Variants in COLGALT2 observed in about 807,000 individuals in gnomAD.
COLGALT2 encodes collagen beta(1-O)galactosyltransferase 2, also known as procollagen galactosyltransferase 2.
COLGALT2 carries 49 observed loss-of-function variants against 73.4 expected under a neutral mutation model. The ratio of observed to expected loss-of-function variants is 0.67; its 90% CI spans 0.53 to 0.85. The LOEUF is 0.85. Ranked by LOEUF, COLGALT2 falls within the 40% of genes least tolerant of loss-of-function variation. The pLI is 0.00. For synonymous variants in COLGALT2, 295 were observed against 307.6 expected (o/e 0.96, Z 0.43); for missense variants, 722 against 790.2 (o/e 0.91, Z 1.03).
chr1:183,963,527 G>C (rs1315862829), intron 6 of COLGALT2, among the ~76,000 whole-genome samples: 1 of 152,068 alleles, frequency 6.6e-6, no homozygotes, highest in Non-Finnish European at 1.5e-5. Context: ...AAAAACCCTG[G>C]AAGTTTTCAT....
chr1:183,962,459 T>TA (rs1558316043), intron 6 of COLGALT2, among the ~76,000 whole-genome samples: 2 of 152,096 alleles, frequency 1.3e-5, no homozygotes, highest in Admixed American at 1.3e-4. Context: ...ATGCCAGCCA[T>TA]GGTCTCTCTT....
intron 10 of COLGALT2, among the ~76,000 whole-genome samples, chr1:183,942,900 AC>A (rs1314463552): frequency 6.6e-6 from 1 of 152,204 alleles, no homozygotes; most frequent in Non-Finnish European, 1.5e-5. Context: ...CCAGCTCTAA[AC>A]CTTAGATTCT....
At chr1:183,981,225 A>G (rs13373873) in intron 1 of COLGALT2, among the ~76,000 whole-genome samples, 6,538 of 152,226 alleles carry the variant, frequency 0.043, 502 homozygotes, top group African/African-American at 0.15. Context: ...AAAATAAATA[A>G]AGTTTCATCA....
chr1:183,977,812 A>AAG (rs59481089), intron 2 of COLGALT2, among the ~76,000 whole-genome samples: 632 of 52,430 alleles, frequency 0.012, 10 homozygotes, highest in African/African-American at 0.011. Flanking sequence ...GAAAGAGAGA[A>AAG]AGAGAGAGAG....
At chr1:183,948,457 T>G (rs1015231544) in intron 8 of COLGALT2, among the ~76,000 whole-genome samples, 1 of 152,146 alleles carries the variant, frequency 6.6e-6, no homozygotes, top group African/African-American at 2.4e-5. Context: ...CGTACCATAT[T>G]AACAGGCAAA....
intron 1 of COLGALT2, among the ~76,000 whole-genome samples, chr1:183,990,753 G>T (rs1431552696): frequency 6.6e-6 from 1 of 152,228 alleles, no homozygotes; most frequent in Non-Finnish European, 1.5e-5. Flanking sequence ...GGAACTCCAC[G>T]TAAATTTGTT....
rs532311366 is a variant in COLGALT2, at chr1:183,942,223, C to T, written c.1398-1436G>A. Among the ~76,000 whole-genome samples the T allele has an allele frequency of 2.0e-3, 302 of 152,240 alleles. 2 individuals are homozygous for T. The highest frequency in any genetic ancestry group is 6.9e-3 in the African/African-American group (285 of 41,546). On this transcript the variant is annotated intron_variant, in intron 10 of 11. Transcript: ENST00000361927. The stretch of plus-strand genomic sequence containing the variant: ...TCGGCCTCCCAAAGTGCTGGGATTA[C>T]AGGCGTGAGCCACTGCGCCCAGCCC...
At chr1:183,951,693 T>A (rs556107181) in intron 7 of COLGALT2, among the ~76,000 whole-genome samples, 21 of 151,912 alleles carry the variant, frequency 1.4e-4, no homozygotes, top group Admixed American at 1.2e-3. Flanking sequence ...TGGAAAAAAA[T>A]GGAAGGATAT....
At chr1:184,027,189 C>A (rs1289200370) in intron 1 of COLGALT2, among the ~76,000 whole-genome samples, 1 of 152,118 alleles carries the variant, frequency 6.6e-6, no homozygotes, top group Non-Finnish European at 1.5e-5. Context: ...AATAAGAAAA[C>A]CCCTTGGTCT....
chr1:184,004,071 G>A (rs562956041), intron 1 of COLGALT2, among the ~76,000 whole-genome samples: 11 of 152,096 alleles, frequency 7.2e-5, no homozygotes, highest in African/African-American at 1.9e-4. Flanking sequence ...GATCTAAAAC[G>A]GCATTATTTT....
At chr1:183,993,701 G>C (rs987154931) in intron 1 of COLGALT2, among the ~76,000 whole-genome samples, 1 of 152,186 alleles carries the variant, frequency 6.6e-6, no homozygotes, top group Non-Finnish European at 1.5e-5. Context: ...CCATGTGAAG[G>C]AAGCCAACAA....
intron 1 of COLGALT2, among the ~76,000 whole-genome samples, chr1:183,997,794 G>T (rs1671810265): frequency 6.6e-6 from 1 of 152,146 alleles, no homozygotes; most frequent in African/African-American, 2.4e-5. Context: ...TTTTCTGTAG[G>T]CTTAACACTG....
Position 183,944,335 on chromosome 1 carries a change from A to G in COLGALT2, c.1270-12T>C. Reference sequence around the variant, plus strand: ...TCTCGATCAATTACCTGCAAAAGTCATCAGTAGGAAGATACCCTATGAAAA... The same window carrying G: ...TCTCGATCAATTACCTGCAAAAGTCGTCAGTAGGAAGATACCCTATGAAAA... On this transcript the variant is annotated splice_polypyrimidine_tract_variant and intron_variant, in intron 9 of 11. Transcript: ENST00000361927. 6.2e-7 allele frequency: 1 copy of G among 1,609,406 alleles called. No individual in the cohort carries two copies. The highest frequency in any genetic ancestry group is 1.3e-5 in the African/African-American group (1 of 74,738).
intron 1 of COLGALT2, among the ~76,000 whole-genome samples, chr1:184,000,767 T>C (rs1671897691): frequency 6.6e-6 from 1 of 152,038 alleles, no homozygotes; most frequent in Non-Finnish European, 1.5e-5. Flanking sequence ...ACTCTCCTTA[T>C]TGAAAGGAAG....
rs137858333 is a variant in COLGALT2, at chr1:183,953,473, G to A, written c.1029+1289C>T. ...GTTTTGTCTTATTTTATTTGCTTTG[G>A]TTTGGTCCTCATAGGAATGTTTTTA... On this transcript the variant is annotated intron_variant, in intron 7 of 11. Coordinates refer to ENST00000361927, the MANE Select transcript of COLGALT2 (RefSeq NM_015101.4). Among the ~76,000 whole-genome samples, 371 of 152,228 alleles carry A rather than the reference G, an allele frequency of 2.4e-3. 2 individuals are homozygous for A. The highest frequency in any genetic ancestry group is 8.4e-3 in the African/African-American group (349 of 41,552).
intron 1 of COLGALT2, among the ~76,000 whole-genome samples, chr1:184,030,848 C>A (rs1418407083): frequency 6.6e-6 from 1 of 152,172 alleles, no homozygotes; most frequent in Non-Finnish European, 1.5e-5. Context: ...AACAGCTACA[C>A]AGGATTAAAA....
chr1:183,937,277 TG>T lies in COLGALT2; in HGVS notation c.*1483del. The T allele has an allele frequency of 8.8e-7, 1 of 1,141,450 alleles. No individual in the cohort carries two copies. Among genetic ancestry groups the T allele is most frequent in the Non-Finnish European group, 1.1e-6 (1 of 930,888 alleles). 70.7% of individuals were successfully genotyped at this position (1,141,450 alleles called of 1,614,324 possible). A position where few individuals can be genotyped will look rare whatever the true frequency, so the allele number is the denominator to read the frequency against. ...AGGAACGGTGCTGGTATGGGATGCC[TG>T]GGAGGGTTTTTCTGGAGACAAAAAT... On this transcript the variant is annotated 3_prime_UTR_variant, in exon 12 of 12. Coordinates refer to ENST00000361927, the MANE Select transcript of COLGALT2 (RefSeq NM_015101.4).
At chr1:183,992,095 G>T (rs1397408209) in intron 1 of COLGALT2, among the ~76,000 whole-genome samples, 2 of 152,154 alleles carry the variant, frequency 1.3e-5, no homozygotes, top group Non-Finnish European at 2.9e-5. Context: ...GCCAGGCATT[G>T]ACCTAGAACT....
At chr1:183,940,121 C>T (rs1572626518) in intron 11 of COLGALT2, among the ~76,000 whole-genome samples, 1 of 152,198 alleles carries the variant, frequency 6.6e-6, no homozygotes, top group African/African-American at 2.4e-5. Flanking sequence ...GCAGGAATCA[C>T]AATATATCAT....
Sources: allele counts gnomAD v4.1 joint callset (sites outside exome capture counted in the v4.1 genomes callset), GRCh38; gene constraint gnomAD v4.1.1; transcripts MANE v1.5; gene names NCBI Gene and HGNC (gene_info 2026-07-23, HGNC 2026-07-21).